ZNF516: variants seen among roughly 807,000 people sequenced by gnomAD.
The protein encoded by ZNF516 is zinc finger protein 516.
Under a neutral mutation model 79.7 loss-of-function variants are expected in ZNF516, and 19 were observed. The ratio of observed to expected loss-of-function variants is 0.24; its 90% CI spans 0.17 to 0.35. The LOEUF (loss-of-function observed/expected upper bound fraction) is 0.35, where lower values mean the gene tolerates loss of function less well. ZNF516 is among the 10% of genes least tolerant of loss of function. ZNF516 has a pLI of 1.00. For missense variants in ZNF516, 1,678 were observed against 1,679.5 expected, an observed-to-expected ratio of 1.00 and a Z score of 0.02; for synonymous variants, 877 against 739.5, an observed-to-expected ratio of 1.19 and a Z score of -3.02.
chr18:76,422,012 T>G (rs1226709136), intron 3 of ZNF516, among the ~76,000 whole-genome samples: 1 of 152,230 alleles, frequency 6.6e-6, no homozygotes, highest in African/African-American at 2.4e-5. Context: ...TGCACCAGAC[T>G]ACCAGTGAGT....
At chr18:76,462,032 C>G (rs572902022) in intron 2 of ZNF516, among the ~76,000 whole-genome samples, 5 of 152,260 alleles carry the variant, frequency 3.3e-5, no homozygotes, top group African/African-American at 1.2e-4. Context: ...CCCACCCTTC[C>G]CACATCCGGT....
chr18:76,488,230 C>T (rs1914946303), intron 1 of ZNF516: 1 of 985,266 alleles, frequency 1.0e-6, no homozygotes, highest in Admixed American at 6.1e-5. Flanking sequence ...GAGTAGGGGC[C>T]GCTTCCAAGG....
chr18:76,404,388 TTA>T (rs1487788242), intron 3 of ZNF516, among the ~76,000 whole-genome samples: 4 of 152,108 alleles, frequency 2.6e-5, no homozygotes, highest in African/African-American at 4.8e-5. Flanking sequence ...AACGGCAGTT[TTA>T]GAGTATCTGT....
intron 3 of ZNF516, among the ~76,000 whole-genome samples, chr18:76,429,374 C>G (rs2075634079): frequency 6.6e-6 from 1 of 152,198 alleles, no homozygotes; most frequent in Non-Finnish European, 1.5e-5. Flanking sequence ...TGAGACTGGA[C>G]CTAGAGCCGT....
At chr18:76,420,153 T>C (rs1269127814) in intron 3 of ZNF516, among the ~76,000 whole-genome samples, 9 of 152,248 alleles carry the variant, frequency 5.9e-5, no homozygotes, top group South Asian at 2.1e-4. Flanking sequence ...TCACTGCTCT[T>C]ACATCTGCAG....
Position 76,359,105 on chromosome 18 carries a change from G to C in ZNF516, c.*3393C>G, listed in dbSNP as rs971228005. ...ACCTGTGCACAGTGGCCGGATCAGG[G>C]GTGGGGGCCTGTCATACTGGGCGCT... is the stretch of plus-strand genomic sequence containing the variant. On this transcript the variant is annotated 3_prime_UTR_variant, in exon 7 of 7. Transcript: ENST00000443185. The C allele has an allele frequency of 6.6e-6, 1 of 152,210 alleles. No homozygotes were observed. The highest frequency in any genetic ancestry group is 2.4e-5 in the African/African-American group (1 of 41,442). 9.4% of individuals were successfully genotyped at this position (152,210 alleles called of 1,614,324 possible).
At chr18:76,424,757 A>AAACACACGCAGGTGAAAAGGTTCCCCCG in intron 3 of ZNF516, among the ~76,000 whole-genome samples, 1 of 124,526 alleles carries the variant, frequency 8.0e-6, no homozygotes, top group Non-Finnish European at 1.7e-5. Flanking sequence ...AGGCTCCCCC[A>AAACACACGCAGGTGAAAAGGTTCCCCCG]AAACACACGC....
rs559303723 is a variant in ZNF516, at chr18:76,490,457, G to A, written c.-272+4687C>T. Among the ~76,000 whole-genome samples, 9 of 152,270 alleles carry A rather than the reference G, an allele frequency of 5.9e-5. No homozygotes were observed. The South Asian group carries it at 1.9e-3, about 32-fold the overall frequency. On this transcript the variant is annotated intron_variant, in intron 1 of 6. Coordinates refer to ENST00000443185, the MANE Select transcript of ZNF516 (RefSeq NM_014643.4). ...AAATGAGCTCTTTTTATTTTACACG[G>A]CAGTAGCCAGTATCCTATCAAATAA...
chr18:76,368,930 G>A (rs1242303760), intron 6 of ZNF516, among the ~76,000 whole-genome samples: 1 of 152,162 alleles, frequency 6.6e-6, no homozygotes, highest in African/African-American at 2.4e-5. Context: ...ATGCATTCCT[G>A]AAGAATCTCA....
intron 1 of ZNF516, among the ~76,000 whole-genome samples, chr18:76,487,755 C>G (rs371332919): frequency 8.3e-6 from 1 of 120,874 alleles, no homozygotes; most frequent in Admixed American, 8.4e-5. Flanking sequence ...TGTCCTGCCC[C>G]ACTCCCAAAC....
intron 2 of ZNF516, among the ~76,000 whole-genome samples, chr18:76,447,333 G>A (rs898434315): frequency 6.6e-6 from 1 of 152,174 alleles, no homozygotes; most frequent in East Asian, 1.9e-4. Flanking sequence ...GGAGGGTTTC[G>A]ATGGGATGCC....
At chr18:76,460,044 G>A (rs576680534) in intron 2 of ZNF516, among the ~76,000 whole-genome samples, 2 of 152,332 alleles carry the variant, frequency 1.3e-5, no homozygotes, top group East Asian at 3.9e-4. Context: ...AGAATGCCCA[G>A]AAAACACCGC....
In ZNF516 at chr18:76,443,650, G is replaced by A. The variant is rs552602325; in HGVS notation, c.-157-439C>T. ...GGGCTGATGGAAGGTGAGCTGCACA[G>A]GTGGTGACAACAGTTGACGGCACTT... On this transcript the variant is annotated intron_variant, in intron 2 of 6. Coordinates refer to ENST00000443185, the MANE Select transcript of ZNF516 (RefSeq NM_014643.4). Among the ~76,000 whole-genome samples, 11 of 152,302 alleles carry A rather than the reference G, an allele frequency of 7.2e-5. No homozygotes were observed. In the South Asian group the frequency reaches 2.3e-3, roughly 32 times the overall value.
At chr18:76,373,414 A>G (rs1382997300) in intron 4 of ZNF516, among the ~76,000 whole-genome samples, 1 of 152,142 alleles carries the variant, frequency 6.6e-6, no homozygotes, top group African/African-American at 2.4e-5. Flanking sequence ...TAGAAACACC[A>G]CCCAGTGGAG....
chr18:76,392,816 C>A (rs575932772), intron 3 of ZNF516, among the ~76,000 whole-genome samples: 11 of 67,928 alleles, frequency 1.6e-4, no homozygotes, highest in African/African-American at 7.9e-4. Flanking sequence ...GGGGGAAAGG[C>A]AGGTAGTCAG....
chr18:76,409,538 G>A (rs1404590892), intron 3 of ZNF516, among the ~76,000 whole-genome samples: 5 of 152,212 alleles, frequency 3.3e-5, no homozygotes, highest in East Asian at 1.9e-4. Flanking sequence ...TTGAACTAGA[G>A]ACTGAAGAAC....
chr18:76,485,035 CTTAT>C (rs200030442), intron 1 of ZNF516, among the ~76,000 whole-genome samples: 1,156 of 108,914 alleles, frequency 0.011, 21 homozygotes, highest in African/African-American at 0.032. Flanking sequence ...TAGGAATTCA[CTTAT>C]TTATTAACAC....
At chr18:76,486,335 C>G (rs1297324741) in intron 1 of ZNF516, among the ~76,000 whole-genome samples, 3 of 151,864 alleles carry the variant, frequency 2.0e-5, no homozygotes, top group African/African-American at 7.2e-5. Context: ...TAAATAGTAC[C>G]ATATGGCAAA....
At chr18:76,445,584 T>A (rs1013457119) in intron 2 of ZNF516, among the ~76,000 whole-genome samples, 1 of 152,186 alleles carries the variant, frequency 6.6e-6, no homozygotes, top group African/African-American at 2.4e-5. Context: ...CGAACAATCA[T>A]ATAGAAAATA....
Sources: allele counts gnomAD v4.1 joint callset (sites outside exome capture counted in the v4.1 genomes callset), GRCh38; gene constraint gnomAD v4.1.1; transcripts MANE v1.5; gene names NCBI Gene and HGNC (gene_info 2026-07-23, HGNC 2026-07-21).